DLG5: variants seen among roughly 807,000 people sequenced by gnomAD.
The protein encoded by DLG5 is disks large homolog 5.
DLG5 carries 48 observed loss-of-function variants against 189.8 expected under a neutral mutation model. The ratio of observed to expected loss-of-function variants is 0.25; its 90% CI spans 0.20 to 0.32. DLG5 has a LOEUF of 0.32. Among genes scored for constraint, DLG5 ranks in the 10% least tolerant of loss-of-function variants. The pLI is 1.00. For synonymous variants in DLG5, 1,016 were observed against 1,054.1 expected, an observed-to-expected ratio of 0.96 and a Z score of 0.70; for missense variants, 2,160 against 2,544.7, an observed-to-expected ratio of 0.85 and a Z score of 3.25.
At position 77,853,547 on chromosome 10, in the gene DLG5, C is replaced by G; in HGVS notation, c.681-10G>C. ...CCGGCTGTGGAGTGTGCTGAAACAC[C>G]CGGTACATGCTCAGTGAGCCCCAGC... On this transcript the variant is annotated splice_polypyrimidine_tract_variant and intron_variant, in intron 4 of 31. Coordinates refer to ENST00000372391, the MANE Select transcript of DLG5 (RefSeq NM_004747.4). The G allele has an allele frequency of 1.3e-5, 21 of 1,575,564 alleles. No homozygotes were observed. The highest frequency in any genetic ancestry group is 1.8e-5 in the Non-Finnish European group (21 of 1,158,324).
intron 1 of DLG5, among the ~76,000 whole-genome samples, chr10:77,896,269 G>A (rs1845756276): frequency 6.6e-6 from 1 of 152,138 alleles, no homozygotes; most frequent in Non-Finnish European, 1.5e-5. Context: ...ACAACCAGTT[G>A]CAACATGTTT....
Position 77,796,736 on chromosome 10 carries a change from C to G in DLG5, c.5165-142G>C. The G allele has an allele frequency of 1.9e-6, 2 of 1,059,994 alleles. No individual in the cohort carries two copies. Among genetic ancestry groups the G allele is most frequent in the Non-Finnish European group, 2.7e-6 (2 of 732,488 alleles). The allele number at this position is 1,059,994 out of a possible 1,614,324, so 65.7% of individuals were successfully genotyped here. On this transcript the variant is annotated intron_variant, in intron 27 of 31. Coordinates refer to ENST00000372391, the MANE Select transcript of DLG5 (RefSeq NM_004747.4). The surrounding 1 kb of genome is among the most constrained non-coding windows in gnomAD (Gnocchi z 5.2). ...CTTCAGCACTGAAAATCTCGTGTCCCAGGCACAACCGGGCATCGTCACCCC... is the reference window on the plus strand; with the variant it reads ...CTTCAGCACTGAAAATCTCGTGTCCGAGGCACAACCGGGCATCGTCACCCC...
chr10:77,809,690 C>T lies in DLG5; in HGVS notation c.4504G>A (p.Val1502Ile), dbSNP rs201564895. The change falls in exon 24 of 32, where the codon GTT becomes ATT. Residue 1502 changes from valine to isoleucine, a missense_variant. Val to Ile is a conservative substitution (Grantham distance 29). Coordinates refer to ENST00000372391, the MANE Select transcript of DLG5 (RefSeq NM_004747.4). ...DANKKTLEPR[V>I]VFIKKSQLEL... ...AGCTGGGACTTTTTGATGAAGACAA[C>T]GCGTGGCTCCAGGGTCTTCTTGTTG... 1.1e-5 allele frequency: 18 copies of T among 1,613,964 alleles called. No individual in the cohort carries two copies. Among genetic ancestry groups the T allele is most frequent in the Admixed American group, 6.7e-5 (4 of 59,984 alleles).
chr10:77,828,486 CA>C (rs34839290), intron 13 of DLG5, among the ~76,000 whole-genome samples: 156 of 66,448 alleles, frequency 2.3e-3, no homozygotes, highest in East Asian at 3.4e-3. Flanking sequence ...GACTCCATAT[CA>C]AAAAAAAAAA....
chr10:77,830,169 G>A (rs770814749), intron 11 of DLG5, 48 bp downstream of exon 11: 8 of 1,611,324 alleles, frequency 5.0e-6, no homozygotes, highest in Non-Finnish European at 6.8e-6. Flanking sequence ...CTCTGCACTG[G>A]GAAGAAGGGC....
chr10:77,906,773 T>A (rs1462972447), intron 1 of DLG5, among the ~76,000 whole-genome samples: 1 of 151,938 alleles, frequency 6.6e-6, no homozygotes, highest in Non-Finnish European at 1.5e-5. Context: ...TACAGGCACG[T>A]ACCACCATGC....
chr10:77,829,828 A>G (rs1366133267), intron 11 of DLG5, among the ~76,000 whole-genome samples: 2 of 152,242 alleles, frequency 1.3e-5, no homozygotes, highest in Non-Finnish European at 2.9e-5. Context: ...GATTGTAAAG[A>G]TTAATCAATT....
intron 5 of DLG5, among the ~76,000 whole-genome samples, chr10:77,846,114 G>T (rs1316855499): frequency 6.6e-6 from 1 of 151,854 alleles, no homozygotes; most frequent in Admixed American, 6.6e-5. Context: ...GCGTGGTGGC[G>T]GGCACCTGTA....
intron 30 of DLG5, 41 bp downstream of exon 30, chr10:77,794,808 G>C: frequency 6.4e-7 from 1 of 1,569,226 alleles, no homozygotes; most frequent in Middle Eastern, 1.7e-4. Flanking sequence ...AGCCCCACCT[G>C]TGACAAGGCC....
chr10:77,872,638 G>T (rs1844946664), intron 1 of DLG5, among the ~76,000 whole-genome samples: 1 of 152,198 alleles, frequency 6.6e-6, no homozygotes, highest in South Asian at 2.1e-4. Context: ...GTCATGCTTT[G>T]TCTCTGCGGT....
Position 77,821,654 on chromosome 10 carries a change from C to T in DLG5, c.2830G>A (p.Gly944Ser), listed in dbSNP as rs200023653. Residue 944 changes from glycine to serine, a missense_variant, in exon 15 of 32, where the codon GGC becomes AGC. Around this residue, in one of 5 missense-constraint regions of DLG5, gnomAD observed 754 missense variants for 746.5 expected, o/e 1.01. Coordinates refer to ENST00000372391, the MANE Select transcript of DLG5 (RefSeq NM_004747.4). The stretch of plus-strand genomic sequence containing the variant: ...AGCATGGCCTTGGGCCAGGTCCCGC[C>T]GCTGTTGGAGCCTTCAGAGTCTGCC... ...DKADSEGSNS[G>S]GTWPKAMLSS... The T allele has an allele frequency of 2.4e-4, 392 of 1,613,114 alleles. 1 individual carries two copies. Among genetic ancestry groups the T allele is most frequent in the Middle Eastern group, 3.3e-4 (2 of 6,062 alleles).
chr10:77,892,743 A>G (rs1411446554), intron 1 of DLG5, among the ~76,000 whole-genome samples: 10 of 152,238 alleles, frequency 6.6e-5, no homozygotes, highest in Non-Finnish European at 1.2e-4. Context: ...GAGACACCCA[A>G]TAAAGGATTG....
At chr10:77,856,592 T>C in intron 3 of DLG5, 138 bp downstream of exon 3, 1 of 1,133,168 alleles carries the variant, frequency 8.8e-7, no homozygotes, top group Admixed American at 2.5e-5. Flanking sequence ...TTTCTGGACA[T>C]GAGGTGGGGG....
chr10:77,874,055 G>A (rs1304326774), intron 1 of DLG5, among the ~76,000 whole-genome samples: 5 of 152,194 alleles, frequency 3.3e-5, no homozygotes, highest in African/African-American at 4.8e-5. Flanking sequence ...AATCGCTCCC[G>A]GACTCACACG....
chr10:77,884,164 G>C (rs967671586), intron 1 of DLG5, among the ~76,000 whole-genome samples: 1 of 152,206 alleles, frequency 6.6e-6, no homozygotes, highest in South Asian at 2.1e-4. Flanking sequence ...ATGGGGTGGA[G>C]GGAGCCTGGA....
At chr10:77,824,633 C>G (rs991582327) in intron 13 of DLG5, 157 bp from the exon 14 acceptor site, 11 of 595,768 alleles carry the variant, frequency 1.8e-5, no homozygotes, top group Middle Eastern at 3.7e-4. Flanking sequence ...TCTGGTGAGG[C>G]CCAAGGAGTC....
intron 1 of DLG5, among the ~76,000 whole-genome samples, chr10:77,915,432 A>G (rs1046020078): frequency 2.6e-5 from 4 of 152,220 alleles, no homozygotes; most frequent in African/African-American, 9.6e-5. Flanking sequence ...AGTTTCACAC[A>G]TTAATGTTTT....
At chr10:77,854,167 G>C (rs764522220) in intron 4 of DLG5, 60 bp downstream of exon 4, 159 of 1,586,592 alleles carry the variant, frequency 1.0e-4, no homozygotes, top group Non-Finnish European at 1.3e-4. Flanking sequence ...CCAGAGAAAA[G>C]AAGGGCAAAG....
At chr10:77,851,419 G>A (rs1269087666) in intron 5 of DLG5, among the ~76,000 whole-genome samples, 2 of 152,134 alleles carry the variant, frequency 1.3e-5, no homozygotes, top group African/African-American at 4.8e-5. Flanking sequence ...TGCTCCAAGA[G>A]CACCACCCCC....
Sources: allele counts gnomAD v4.1 joint callset (sites outside exome capture counted in the v4.1 genomes callset), GRCh38; gene constraint gnomAD v4.1.1; regional missense constraint gnomAD v4.1.1; non-coding constraint Gnocchi (gnomAD v3.1); transcripts MANE v1.5; gene names NCBI Gene and HGNC (gene_info 2026-07-23, HGNC 2026-07-21).